BTBD9: variants seen among roughly 807,000 people sequenced by gnomAD.
The protein encoded by BTBD9 is BTB/POZ domain-containing protein 9.
BTBD9 carries 49 observed loss-of-function variants against 64.3 expected under a neutral mutation model. The observed-to-expected ratio is 0.76, with a 90% CI of 0.61 to 0.97. BTBD9 has a LOEUF of 0.97. BTBD9 is among the 50% of genes least tolerant of loss of function. BTBD9 has a pLI of 0.00. For synonymous variants in BTBD9, 260 were observed against 274.7 expected, an observed-to-expected ratio of 0.95 and a Z score of 0.53; for missense variants, 598 against 762.1, an observed-to-expected ratio of 0.78 and a Z score of 2.53.
intron 9 of BTBD9, among the ~76,000 whole-genome samples, chr6:38,243,928 T>C (rs1334979159): frequency 6.6e-6 from 1 of 152,176 alleles, no homozygotes; most frequent in Non-Finnish European, 1.5e-5. Flanking sequence ...CTTAGTTCTC[T>C]GGGATAGAGC....
rs1409573855 is a variant in BTBD9, at chr6:38,580,413, A to ATAGTTGCAATGTTTTCT, written c.822_838dup (p.Met280LysfsTer7). The ATAGTTGCAATGTTTTCT allele has an allele frequency of 1.2e-6, 2 of 1,614,130 alleles. No individual in the cohort carries two copies. Among genetic ancestry groups the ATAGTTGCAATGTTTTCT allele is most frequent in the Non-Finnish European group, 1.7e-6 (2 of 1,179,940 alleles). On this transcript the variant is annotated frameshift_variant, in exon 5 of 11. Transcript: ENST00000481247. LOFTEE classifies it high-confidence loss of function. ...CTTTACAACTTGGGCTCCATACTTC[A>ATAGTTGCAATGTTTTCT]TAGTTGCAATGTTTTCTTCTGGTAC...
At chr6:38,392,780 TAG>T (rs777668952) in intron 6 of BTBD9, among the ~76,000 whole-genome samples, 2 of 151,492 alleles carry the variant, frequency 1.3e-5, no homozygotes, top group African/African-American at 2.4e-5. Flanking sequence ...CCAAAAAATA[TAG>T]AGTTAATTTA....
intron 9 of BTBD9, chr6:38,193,709 T>A (rs1490476265): frequency 8.2e-6 from 5 of 611,296 alleles, no homozygotes; most frequent in Non-Finnish European, 1.0e-5. Flanking sequence ...CTGCCATCCC[T>A]CCTCCGCTCT....
intron 6 of BTBD9, among the ~76,000 whole-genome samples, chr6:38,447,202 A>C (rs967552154): frequency 2.0e-5 from 3 of 152,148 alleles, no homozygotes; most frequent in African/African-American, 4.8e-5. Flanking sequence ...CAGAGTGAAG[A>C]CTCAAAAAAA....
At chr6:38,279,624 C>T (rs1012338942) in intron 8 of BTBD9, among the ~76,000 whole-genome samples, 4 of 152,146 alleles carry the variant, frequency 2.6e-5, no homozygotes, top group Non-Finnish European at 4.4e-5. Context: ...CCCCGTGTGG[C>T]CTATCCTGGG....
At chr6:38,375,271 T>C (rs573544822) in intron 6 of BTBD9, among the ~76,000 whole-genome samples, 1 of 152,358 alleles carries the variant, frequency 6.6e-6, no homozygotes, top group South Asian at 2.1e-4. Context: ...GACAACTAAA[T>C]TGCTTGTATC....
chr6:38,593,436 C>G (rs60227349), intron 3 of BTBD9, among the ~76,000 whole-genome samples: 8,546 of 152,194 alleles, frequency 0.056, 372 homozygotes, highest in East Asian at 0.23. Flanking sequence ...CTAGAAGGAA[C>G]ACAACAAGGC....
At chr6:38,539,445 A>G (rs186733666) in intron 6 of BTBD9, among the ~76,000 whole-genome samples, 1 of 152,346 alleles carries the variant, frequency 6.6e-6, no homozygotes, top group Admixed American at 6.5e-5. Context: ...GTGTAAATTC[A>G]TATAGGACAG....
chr6:38,317,539 T>C (rs1763070909), intron 7 of BTBD9, among the ~76,000 whole-genome samples: 1 of 152,226 alleles, frequency 6.6e-6, no homozygotes, highest in Non-Finnish European at 1.5e-5. Context: ...TATTGATATT[T>C]TTCTCTGAGT....
rs796151698 is a variant in BTBD9 at position 38,205,891 on chromosome 6, AGAAAG to A, written c.1563-13299_1563-13295del. 9.7e-5 allele frequency among the ~76,000 whole-genome samples: 14 copies of A among 144,532 alleles called. 2 individuals carry two copies. Among genetic ancestry groups the A allele is most frequent in the East Asian group, 5.9e-4 (3 of 5,046 alleles). The allele number at this position is 144,532 out of a possible 152,430, so 94.8% of individuals were successfully genotyped here. A position where few individuals can be genotyped will look rare whatever the true frequency, so the allele number is the denominator to read the frequency against. ...CAGGAGTCTGTCTCAAAAAAAAAAA[AGAAAG>A]AAAGAAAGAAAGGAAGTTATGGGAT... On this transcript the variant is annotated intron_variant, in intron 9 of 10. Transcript: ENST00000481247.
intron 6 of BTBD9, among the ~76,000 whole-genome samples, chr6:38,397,475 G>A (rs1054630205): frequency 4.6e-5 from 7 of 152,322 alleles, no homozygotes; most frequent in African/African-American, 1.4e-4. Flanking sequence ...TCATTGAGAT[G>A]AGAACTTCAA....
rs10660204 is a variant in BTBD9, at chr6:38,585,938, CCACACA to C, written c.815-5507_815-5502del. Among the ~76,000 whole-genome samples the C allele has an allele frequency of 2.0e-3, 275 of 140,844 alleles. 1 individual carries two copies. Among genetic ancestry groups the C allele is most frequent in the Non-Finnish European group, 2.6e-3 (172 of 65,042 alleles). 92.4% of individuals were successfully genotyped at this position (140,844 alleles called of 152,430 possible). ...ATAGGTACAGGGTAAACAGGACAGACCACACACACACACACACACACACACACACAC... is the reference window on the plus strand; with the variant it reads ...ATAGGTACAGGGTAAACAGGACAGACCACACACACACACACACACACACAC... On this transcript the variant is annotated intron_variant, in intron 4 of 10. Coordinates refer to ENST00000481247, the MANE Select transcript of BTBD9 (RefSeq NM_001099272.2).
At chr6:38,216,971 A>G (rs975100694) in intron 9 of BTBD9, among the ~76,000 whole-genome samples, 2 of 152,158 alleles carry the variant, frequency 1.3e-5, no homozygotes, top group Middle Eastern at 3.4e-3. Flanking sequence ...CATTTCTAAT[A>G]TGTTCCCAGG....
chr6:38,549,840 A>G lies in BTBD9; in HGVS notation c.1154+27760T>C, dbSNP rs182461876. On this transcript the variant is annotated intron_variant, in intron 6 of 10. Transcript: ENST00000481247. ...CTAAAACTGCTTCTCAAGGGCATTC[A>G]GGATCTCCATTTTGCCAAATCCAGT... Among the ~76,000 whole-genome samples the G allele has an allele frequency of 2.9e-3, 440 of 152,316 alleles. 3 individuals carry two copies. Among genetic ancestry groups the G allele is most frequent in the African/African-American group, 0.01 (430 of 41,570 alleles).
At chr6:38,441,604 AACAG>A (rs1351168748) in intron 6 of BTBD9, among the ~76,000 whole-genome samples, 2 of 151,936 alleles carry the variant, frequency 1.3e-5, no homozygotes, top group African/African-American at 4.8e-5. Flanking sequence ...TTTTCATAGA[AACAG>A]ATCTCATTTT....
intron 4 of BTBD9, 129 bp downstream of exon 4, chr6:38,592,447 C>G (rs1303281012): frequency 9.9e-7 from 1 of 1,006,390 alleles, no homozygotes; most frequent in African/African-American, 1.6e-5. Flanking sequence ...ATTCCATAGG[C>G]TAGCTGTTTA....
At chr6:38,561,205 G>A (rs986187943) in intron 6 of BTBD9, among the ~76,000 whole-genome samples, 13 of 152,146 alleles carry the variant, frequency 8.5e-5, no homozygotes, top group African/African-American at 2.9e-4. Flanking sequence ...CACTAGCAGT[G>A]TATAAGTGTT....
chr6:38,249,938 A>G (rs1453082378), intron 9 of BTBD9, among the ~76,000 whole-genome samples: 1 of 152,198 alleles, frequency 6.6e-6, no homozygotes, highest in Admixed American at 6.5e-5. Flanking sequence ...CCCAATTACA[A>G]AAGTCTCTGC....
At chr6:38,444,321 T>A (rs1769176167) in intron 6 of BTBD9, among the ~76,000 whole-genome samples, 1 of 152,220 alleles carries the variant, frequency 6.6e-6, no homozygotes, top group Non-Finnish European at 1.5e-5. Flanking sequence ...GCGTGCTTGA[T>A]AAGTATTTTG....
Sources: gnomAD v4.1 joint callset for allele counts (sites outside exome capture counted in the v4.1 genomes callset) on GRCh38, gnomAD v4.1.1 for gene constraint, MANE v1.5 for transcripts, NCBI Gene and HGNC (gene_info 2026-07-23, HGNC 2026-07-21) for gene names.